The following ZPLD1 variants were observed in gnomAD, a reference collection of about 807,000 sequenced individuals.
ZPLD1 encodes zona pellucida-like domain-containing protein 1.
In ZPLD1, 34 loss-of-function variants were observed where a neutral mutation model predicts 47.2. The ratio of observed to expected loss-of-function variants is 0.72; its 90% CI spans 0.55 to 0.96. ZPLD1 has a LOEUF of 0.96. Among genes scored for constraint, ZPLD1 ranks in the 40% least tolerant of loss-of-function variants. The pLI is 0.00. For missense variants in ZPLD1, 512 were observed against 505.8 expected, an observed-to-expected ratio of 1.01 and a Z score of -0.12; for synonymous variants, 176 against 186.2, an observed-to-expected ratio of 0.95 and a Z score of 0.45.
chr3:102,455,027 C>T (rs1707391208), intron 4 of ZPLD1, among the ~76,000 whole-genome samples: 1 of 152,120 alleles, frequency 6.6e-6, no homozygotes, highest in Admixed American at 6.5e-5. Flanking sequence ...TAAGATCATT[C>T]CTTCATGGGA....
At chr3:102,472,711 T>A (rs1707703657) in intron 10 of ZPLD1, among the ~76,000 whole-genome samples, 1 of 152,182 alleles carries the variant, frequency 6.6e-6, no homozygotes, top group Non-Finnish European at 1.5e-5. Context: ...ATGGAGCATA[T>A]CTAGAGTCAG....
At chr3:102,455,322 C>CTT (rs1707396796) in intron 4 of ZPLD1, among the ~76,000 whole-genome samples, 1 of 152,116 alleles carries the variant, frequency 6.6e-6, no homozygotes, top group African/African-American at 2.4e-5. Flanking sequence ...TTGATTATTC[C>CTT]TAAAGTGGTG....
At chr3:102,400,489 G>T (rs1406476969) in intron 7 of ZPLD1, among the ~76,000 whole-genome samples, 2 of 151,874 alleles carry the variant, frequency 1.3e-5, no homozygotes, top group Non-Finnish European at 2.9e-5. Context: ...GATAAGCCGG[G>T]GGTCCCTTTG....
chr3:102,462,738 C>G (rs1174529362), intron 7 of ZPLD1, among the ~76,000 whole-genome samples: 1 of 151,984 alleles, frequency 6.6e-6, no homozygotes. Context: ...GTATGTTACT[C>G]TTCAATATGA....
At chr3:102,437,277 A>AT (rs555655464) in intron 2 of ZPLD1, among the ~76,000 whole-genome samples, 1 of 152,062 alleles carries the variant, frequency 6.6e-6, no homozygotes, top group Non-Finnish European at 1.5e-5. Flanking sequence ...CTGAATTAAT[A>AT]TTTTTTTTCA....
chr3:102,448,090 A>T (rs1364260917), intron 3 of ZPLD1, among the ~76,000 whole-genome samples: 2 of 152,208 alleles, frequency 1.3e-5, no homozygotes, highest in Non-Finnish European at 2.9e-5. Context: ...ACGACAGGGT[A>T]CAGAACATTA....
intron 4 of ZPLD1, 30 bp downstream of exon 4, chr3:102,453,169 T>G (rs754501191): frequency 1.3e-6 from 2 of 1,577,096 alleles, no homozygotes; most frequent in Non-Finnish European, 1.7e-6. Flanking sequence ...GTGTGCTAGG[T>G]CTGGGGTCAT....
chr3:102,401,041 A>G (rs923587155), intron 7 of ZPLD1, among the ~76,000 whole-genome samples: 4 of 152,214 alleles, frequency 2.6e-5, no homozygotes, highest in Non-Finnish European at 2.9e-5. Context: ...CATTTTTAGG[A>G]CAAAATTTCC....
chr3:102,411,769 G>A (rs1192267184), intron 7 of ZPLD1, among the ~76,000 whole-genome samples: 1 of 151,782 alleles, frequency 6.6e-6, no homozygotes, highest in Non-Finnish European at 1.5e-5. Flanking sequence ...TTATAGGATA[G>A]GAGAGATGGA....
At chr3:102,441,980 G>A (rs989155733) in intron 3 of ZPLD1, among the ~76,000 whole-genome samples, 2 of 152,082 alleles carry the variant, frequency 1.3e-5, no homozygotes, top group Non-Finnish European at 1.5e-5. Flanking sequence ...GCAGAAACAG[G>A]GACATAAGGC....
intron 10 of ZPLD1, 57 bp from the exon 11 acceptor site, chr3:102,476,955 A>G (rs1337685801): frequency 3.2e-6 from 5 of 1,571,302 alleles, no homozygotes; most frequent in Non-Finnish European, 4.4e-6. Context: ...CAGAATAAAC[A>G]AAGGTAAATA....
intron 3 of ZPLD1, among the ~76,000 whole-genome samples, chr3:102,448,416 C>T (rs1223723067): frequency 6.6e-6 from 1 of 152,188 alleles, no homozygotes; most frequent in Non-Finnish European, 1.5e-5. Flanking sequence ...ACTCTCTCTC[C>T]TTTTGGCAGA....
chr3:102,462,239 G>C, intron 6 of ZPLD1, 42 bp from the exon 7 acceptor site: 1 of 1,281,400 alleles, frequency 7.8e-7, no homozygotes. Flanking sequence ...GTGTGCTGTT[G>C]TTGGGGAGGT....
At chr3:102,388,777 T>C (rs1706463513) in intron 6 of ZPLD1, among the ~76,000 whole-genome samples, 1 of 152,202 alleles carries the variant, frequency 6.6e-6, no homozygotes, top group African/African-American at 2.4e-5. Context: ...ATTACAACTG[T>C]TAAAAATATC....
chr3:102,386,028 GTTGA>G (rs1246368798), intron 6 of ZPLD1, among the ~76,000 whole-genome samples: 1 of 152,058 alleles, frequency 6.6e-6, no homozygotes. Flanking sequence ...GTGTCTCTGT[GTTGA>G]TTGTTATGTT....
At chr3:102,421,964 T>C (rs1706884909) in intron 8 of ZPLD1, among the ~76,000 whole-genome samples, 1 of 152,038 alleles carries the variant, frequency 6.6e-6, no homozygotes, top group Non-Finnish European at 1.5e-5. Flanking sequence ...TTTCTAGTGA[T>C]GGATAGATTG....
intron 6 of ZPLD1, among the ~76,000 whole-genome samples, chr3:102,388,449 C>CTA (rs1706458279): frequency 7.2e-6 from 1 of 138,830 alleles, no homozygotes; most frequent in African/African-American, 2.7e-5. Context: ...CTCTCTCTCT[C>CTA]TCTGTCTGTG....
At chr3:102,395,392 A>T (rs184579173) in intron 7 of ZPLD1, among the ~76,000 whole-genome samples, 2 of 152,276 alleles carry the variant, frequency 1.3e-5, no homozygotes, top group African/African-American at 2.4e-5. Context: ...ATGGGTCTTG[A>T]TAAGGAGAAT....
At chr3:102,387,753 T>C (rs185530960) in intron 6 of ZPLD1, among the ~76,000 whole-genome samples, 3 of 152,208 alleles carry the variant, frequency 2.0e-5, no homozygotes, top group Admixed American at 2.0e-4. Flanking sequence ...TACAAAATTT[T>C]ACAATAAAGT....
Sources: gnomAD v4.1 joint callset for allele counts (sites outside exome capture counted in the v4.1 genomes callset) on GRCh38, gnomAD v4.1.1 for gene constraint, MANE v1.5 for transcripts, NCBI Gene and HGNC (gene_info 2026-07-23, HGNC 2026-07-21) for gene names.